The following ZNF705G variants were observed in gnomAD, a reference collection of about 807,000 sequenced individuals.
ZNF705G encodes zinc finger protein 705G.
A neutral mutation model predicts 19.6 loss-of-function variants in ZNF705G; 23 were observed. That is an observed-to-expected ratio of 1.17 (90% CI 0.84 to 1.66). The LOEUF (loss-of-function observed/expected upper bound fraction) is 1.66. Among genes scored for constraint, ZNF705G ranks in the 40% most tolerant of loss-of-function variants. The probability of loss-of-function intolerance (pLI) is 0.00; values close to 1 mark genes in which losing one functional copy is unlikely to be tolerated. For synonymous variants in ZNF705G, 146 were observed against 117.7 expected (o/e 1.24, Z -1.56); for missense variants, 457 against 354.4 (o/e 1.29, Z -2.32).
intron 5 of ZNF705G, 64 bp from the exon 6 acceptor site, chr8:7,359,765 C>T: frequency 6.2e-6 from 10 of 1,601,892 alleles, no homozygotes; most frequent in Admixed American, 1.7e-5. Context: ...TTGAAAAGCC[C>T]CAAAGCCCAC....
intron 2 of ZNF705G, among the ~76,000 whole-genome samples, chr8:7,367,722 G>A (rs1349758575): frequency 6.7e-6 from 1 of 149,534 alleles, no homozygotes; most frequent in Non-Finnish European, 1.5e-5. Context: ...CTGTTCTAAA[G>A]CCTTTTTAAA....
At chr8:7,380,473 A>G (rs1585430022) in intron 2 of ZNF705G, among the ~76,000 whole-genome samples, 1 of 147,224 alleles carries the variant, frequency 6.8e-6, no homozygotes, top group Non-Finnish European at 1.5e-5. Context: ...ACCATCAAGT[A>G]CCTGTGTGTC....
rs548690267 is a variant in ZNF705G, at chr8:7,366,034, C to A, written c.-71-3017G>T. On this transcript the variant is annotated intron_variant, in intron 2 of 6. Coordinates refer to ENST00000400156, the MANE Select transcript of ZNF705G (RefSeq NM_001164457.3). ...AATGACATCTCAGGTGCTAGGGAAA[C>A]AGCAGCTGACATTCTAGCAATGAAC... Among the ~76,000 whole-genome samples, 48 of 149,666 alleles carry A rather than the reference C, an allele frequency of 3.2e-4. 4 individuals carry two copies. The highest frequency in any genetic ancestry group is 1.1e-3 in the African/African-American group (44 of 39,076).
At chr8:7,382,688 A>T (rs1184898666) in intron 1 of ZNF705G, among the ~76,000 whole-genome samples, 1 of 146,676 alleles carries the variant, frequency 6.8e-6, no homozygotes, top group African/African-American at 2.8e-5. Context: ...CTTTCCACAC[A>T]TCTATGGATT....
chr8:7,368,675 G>A (rs556878425), intron 2 of ZNF705G, among the ~76,000 whole-genome samples: 10 of 149,912 alleles, frequency 6.7e-5, no homozygotes, highest in Non-Finnish European at 1.2e-4. Context: ...ACATTTTAGA[G>A]ACCTTGGCTG....
At chr8:7,379,926 G>A (rs1258940724) in intron 2 of ZNF705G, among the ~76,000 whole-genome samples, 3 of 143,768 alleles carry the variant, frequency 2.1e-5, no homozygotes, top group East Asian at 3.9e-4. Context: ...AACAGCCCCT[G>A]CATCTCCACA....
At position 7,368,942 on chromosome 8, in the gene ZNF705G, T is replaced by C. The variant is rs567234416; in HGVS notation, c.-71-5925A>G. On this transcript the variant is annotated intron_variant, in intron 2 of 6. Coordinates refer to ENST00000400156, the MANE Select transcript of ZNF705G (RefSeq NM_001164457.3). ...CAGGAGTACACTGCTGATAAAGGTA[T>C]ACCTGAGACTGGGCAATTTACAAAA... Among the ~76,000 whole-genome samples, 335 of 149,774 alleles carry C rather than the reference T, an allele frequency of 2.2e-3. 12 individuals carry two copies. The highest frequency in any genetic ancestry group is 8.1e-3 in the African/African-American group (318 of 39,144).
At position 7,375,284 on chromosome 8, in the gene ZNF705G, T is replaced by G. The variant is rs563566832; in HGVS notation, c.-72+6168A>C. On this transcript the variant is annotated intron_variant, in intron 2 of 6. Transcript: ENST00000400156. ...TATAACTGAGAATATGTGGTATTTG[T>G]CTTCCTGTTCTTGAGCTAATTTGCT... Among the ~76,000 whole-genome samples the G allele has an allele frequency of 1.2e-3, 111 of 93,156 alleles. 25 individuals carry two copies. Among genetic ancestry groups the G allele is most frequent in the Non-Finnish European group, 2.1e-3 (102 of 47,764 alleles). The allele number at this position is 93,156 out of a possible 152,430, so 61.1% of individuals were successfully genotyped here.
chr8:7,368,049 T>C (rs1806939937), intron 2 of ZNF705G, among the ~76,000 whole-genome samples: 2 of 149,614 alleles, frequency 1.3e-5, no homozygotes, highest in Admixed American at 1.3e-4. Context: ...CTTCAGATGC[T>C]CCTTCTCTGG....
At position 7,384,832 on chromosome 8, in the gene ZNF705G, A is replaced by T. The variant is rs1216231757; in HGVS notation, c.-222+666T>A. Among the ~76,000 whole-genome samples the T allele has an allele frequency of 6.8e-5, 10 of 146,164 alleles. 2 individuals are homozygous for T. The highest frequency in any genetic ancestry group is 2.5e-4 in the African/African-American group (9 of 35,728). Reference sequence around the variant, plus strand: ...CTCTGTCACTCCAGTAAGAATGAACATTCTTGAACACCTATCACGTACCAT... The same window carrying T: ...CTCTGTCACTCCAGTAAGAATGAACTTTCTTGAACACCTATCACGTACCAT... On this transcript the variant is annotated intron_variant, in intron 1 of 6. Coordinates refer to ENST00000400156, the MANE Select transcript of ZNF705G (RefSeq NM_001164457.3).
At chr8:7,381,036 A>C (rs1287596679) in intron 2 of ZNF705G, among the ~76,000 whole-genome samples, 4 of 136,552 alleles carry the variant, frequency 2.9e-5, no homozygotes. Flanking sequence ...CAAAAAAAAA[A>C]AAAAAAAAAA....
rs140895330 is a variant in ZNF705G at position 7,357,422 on chromosome 8, A to G, written c.*554T>C. The G allele has an allele frequency of 5.6e-3, 914 of 162,728 alleles. 102 individuals are homozygous for G. The highest frequency in any genetic ancestry group is 0.021 in the African/African-American group (831 of 39,270). The allele number at this position is 162,728 out of a possible 1,614,324, so 10.1% of individuals were successfully genotyped here. A position where few individuals can be genotyped will look rare whatever the true frequency, so the allele number is the denominator to read the frequency against. ...TGAATGTTCATTCACAGAAAATACA[A>G]ATAAAGGGTTCATCCAAGTAAAGTT... is the stretch of plus-strand genomic sequence containing the variant. On this transcript the variant is annotated 3_prime_UTR_variant, in exon 7 of 7. Coordinates refer to ENST00000400156, the MANE Select transcript of ZNF705G (RefSeq NM_001164457.3).
At chr8:7,360,710 G>T (rs1806535332) in intron 4 of ZNF705G, among the ~76,000 whole-genome samples, 1 of 149,534 alleles carries the variant, frequency 6.7e-6, no homozygotes, top group Non-Finnish European at 1.5e-5. Context: ...AAAATAATTG[G>T]TGTTCTATAT....
intron 2 of ZNF705G, among the ~76,000 whole-genome samples, chr8:7,364,935 C>T (rs183872052): frequency 1.3e-5 from 2 of 149,512 alleles, no homozygotes; most frequent in East Asian, 1.9e-4. Context: ...CAGCTGTAAC[C>T]CTTAATATTA....
chr8:7,382,998 C>T (rs1379705032), intron 1 of ZNF705G, among the ~76,000 whole-genome samples: 1 of 148,052 alleles, frequency 6.8e-6, no homozygotes, highest in Non-Finnish European at 1.5e-5. Context: ...TGAACTCATA[C>T]CCTAGCTCCC....
chr8:7,366,638 A>G lies in ZNF705G; in HGVS notation c.-71-3621T>C, dbSNP rs556854753. 5.7e-4 allele frequency among the ~76,000 whole-genome samples: 85 copies of G among 149,824 alleles called. 5 individuals are homozygous for G. Among genetic ancestry groups the G allele is most frequent in the African/African-American group, 2.1e-3 (84 of 39,210 alleles). On this transcript the variant is annotated intron_variant, in intron 2 of 6. Transcript: ENST00000400156. ...ATACAATAAAGCTAAAACAATATCCATGGACAAATTATTTGCTGTACGTTA... is the reference window on the plus strand; with the variant it reads ...ATACAATAAAGCTAAAACAATATCCGTGGACAAATTATTTGCTGTACGTTA...
At chr8:7,363,989 C>T (rs896310328) in intron 2 of ZNF705G, among the ~76,000 whole-genome samples, 5 of 149,408 alleles carry the variant, frequency 3.3e-5, no homozygotes, top group Non-Finnish European at 5.9e-5. Flanking sequence ...AGTCACAATC[C>T]TCTAGGATGC....
In ZNF705G at chr8:7,357,642, A is replaced by T. The variant is rs1453446711; in HGVS notation, c.*334T>A. On this transcript the variant is annotated 3_prime_UTR_variant, in exon 7 of 7. Transcript: ENST00000400156. ...TCACTAACAAGTCTTTGGTACATACATGTCATACAATTTCTCTTCCATATG... is the reference window on the plus strand; with the variant it reads ...TCACTAACAAGTCTTTGGTACATACTTGTCATACAATTTCTCTTCCATATG... 1 of 452,742 alleles carries T rather than the reference A, an allele frequency of 2.2e-6. No individual in the cohort carries two copies. The highest frequency in any genetic ancestry group is 3.8e-5 in the Admixed American group (1 of 26,092). The allele number at this position is 452,742 out of a possible 1,614,324, so 28.0% of individuals were successfully genotyped here.
chr8:7,383,124 G>GA (rs1491415787), intron 1 of ZNF705G, among the ~76,000 whole-genome samples: 1 of 101,348 alleles, frequency 9.9e-6, no homozygotes, highest in Non-Finnish European at 2.0e-5. Context: ...TTCAATGTTT[G>GA]ATTTTTTTTT....
Sources: allele counts gnomAD v4.1 joint callset (sites outside exome capture counted in the v4.1 genomes callset), GRCh38; gene constraint gnomAD v4.1.1; transcripts MANE v1.5; gene names NCBI Gene and HGNC (gene_info 2026-07-23, HGNC 2026-07-21).